The following SHISA9 variants were observed in gnomAD, a reference collection of about 807,000 sequenced individuals.
SHISA9 encodes the protein protein shisa-9.
SHISA9 carries 13 observed loss-of-function variants against 38.0 expected under a neutral mutation model. The observed-to-expected ratio is 0.34, with a 90% CI of 0.22 to 0.54. SHISA9 has a LOEUF of 0.54. SHISA9 is among the 20% of genes least tolerant of loss of function. The pLI is 0.91. For synonymous variants in SHISA9, 275 were observed against 242.0 expected, an observed-to-expected ratio of 1.14 and a Z score of -1.27; for missense variants, 538 against 575.8, an observed-to-expected ratio of 0.93 and a Z score of 0.67.
intron 2 of SHISA9, among the ~76,000 whole-genome samples, chr16:13,052,319 T>C: frequency 6.6e-6 from 1 of 152,216 alleles, no homozygotes; most frequent in East Asian, 1.9e-4. Context: ...GAAATAGTTT[T>C]TCTGTAATAA....
At chr16:13,484,095 T>C in the SHISA9 span, among the ~76,000 whole-genome samples, 1 of 152,108 alleles carries the variant, frequency 6.6e-6, no homozygotes, top group Non-Finnish European at 1.5e-5. Flanking sequence ...TGATGCTATC[T>C]CCAGGCAGAT....
At position 13,237,886 on chromosome 16, in the gene SHISA9, A is replaced by G. The variant is rs1431813100; in HGVS notation, c.*2477A>G. The G allele has an allele frequency of 1.3e-5, 2 of 152,130 alleles. No homozygotes were observed. Among genetic ancestry groups the G allele is most frequent in the Non-Finnish European group, 2.9e-5 (2 of 68,032 alleles). The allele number at this position is 152,130 out of a possible 1,614,324, so 9.4% of individuals were successfully genotyped here. On this transcript the variant is annotated 3_prime_UTR_variant, in exon 5 of 5. Transcript: ENST00000558583. Reference sequence around the variant, plus strand: ...CTATGTACCTGCAACACACTTTGGCATCTCTGTATATCACCTTCACAATAT... The same window carrying G: ...CTATGTACCTGCAACACACTTTGGCGTCTCTGTATATCACCTTCACAATAT...
At chr16:13,131,594 CA>C (rs2050307322) in intron 2 of SHISA9, among the ~76,000 whole-genome samples, 1 of 152,022 alleles carries the variant, frequency 6.6e-6, no homozygotes. Flanking sequence ...CAAACCTGCA[CA>C]TCCTACACAT....
chr16:13,035,389 A>G (rs1477150812), intron 2 of SHISA9, among the ~76,000 whole-genome samples: 1 of 152,176 alleles, frequency 6.6e-6, no homozygotes, highest in Non-Finnish European at 1.5e-5. Context: ...CAATCTTCCT[A>G]CATCCCTACA....
At chr16:13,399,080 C>G in the SHISA9 span, among the ~76,000 whole-genome samples, 8 of 151,926 alleles carry the variant, frequency 5.3e-5, no homozygotes, top group Non-Finnish European at 1.0e-4. Flanking sequence ...ATCTTGAAAC[C>G]CTGTGTCCAC....
chr16:13,543,489 A>G, the SHISA9 span, among the ~76,000 whole-genome samples: 6 of 152,202 alleles, frequency 3.9e-5, no homozygotes, highest in South Asian at 6.2e-4. Context: ...AAGTTAAACA[A>G]TCTGACCAAG....
intron 2 of SHISA9, among the ~76,000 whole-genome samples, chr16:13,124,168 T>C (rs966552811): frequency 6.6e-6 from 1 of 152,300 alleles, no homozygotes; most frequent in East Asian, 1.9e-4. Context: ...CCTCTCCCAC[T>C]GTGCAGTCAA....
At chr16:13,098,138 C>T (rs1289556876) in intron 2 of SHISA9, among the ~76,000 whole-genome samples, 24 of 152,182 alleles carry the variant, frequency 1.6e-4, no homozygotes, top group Admixed American at 1.6e-3. Context: ...GGTTAGTTGA[C>T]TCCAGAGTAC....
the SHISA9 span, among the ~76,000 whole-genome samples, chr16:13,314,394 TTAG>T: frequency 6.6e-6 from 1 of 151,566 alleles, no homozygotes; most frequent in Non-Finnish European, 1.5e-5. Flanking sequence ...ATTATTACTA[TTAG>T]TAGTAGTAGT....
intron 2 of SHISA9, among the ~76,000 whole-genome samples, chr16:12,956,483 C>A (rs4503781): frequency 0.19 from 29,382 of 152,080 alleles, 3,518 homozygotes; most frequent in Middle Eastern, 0.35. Flanking sequence ...CTAAGTGTCC[C>A]TTAATGGTTG....
chr16:13,352,180 T>TA, the SHISA9 span, among the ~76,000 whole-genome samples: 1 of 152,236 alleles, frequency 6.6e-6, no homozygotes, highest in South Asian at 2.1e-4. Context: ...ATATCTCCTT[T>TA]AAAAAAATCA....
intron 4 of SHISA9, among the ~76,000 whole-genome samples, chr16:13,216,202 AAAAAGAG>A (rs1279949963): frequency 1.4e-5 from 2 of 142,026 alleles, no homozygotes; most frequent in African/African-American, 5.4e-5. Flanking sequence ...AAAAAAAAAA[AAAAAGAG>A]AGAGACAATT....
chr16:13,267,651 G>A, the SHISA9 span, among the ~76,000 whole-genome samples: 38 of 152,266 alleles, frequency 2.5e-4, no homozygotes, highest in Admixed American at 9.2e-4. Flanking sequence ...ACATGAGGAG[G>A]AAAGGTTAGG....
intron 2 of SHISA9, among the ~76,000 whole-genome samples, chr16:13,115,998 G>A (rs1315657867): frequency 1.3e-5 from 2 of 152,076 alleles, no homozygotes; most frequent in Non-Finnish European, 2.9e-5. Flanking sequence ...GAACGACTCT[G>A]GGATCTCTAA....
chr16:13,158,463 A>G (rs903088262), intron 2 of SHISA9, among the ~76,000 whole-genome samples: 2 of 152,216 alleles, frequency 1.3e-5, no homozygotes, highest in Non-Finnish European at 2.9e-5. Flanking sequence ...AAACCATGCC[A>G]CAAAAGCTGT....
chr16:12,968,960 G>T (rs1392316711), intron 2 of SHISA9, among the ~76,000 whole-genome samples: 2 of 151,946 alleles, frequency 1.3e-5, no homozygotes, highest in Non-Finnish European at 1.5e-5. Context: ...TTCGAGACCA[G>T]CCTGGCCAAC....
chr16:13,487,129 C>G, the SHISA9 span, among the ~76,000 whole-genome samples: 2 of 152,226 alleles, frequency 1.3e-5, no homozygotes, highest in Non-Finnish European at 2.9e-5. Flanking sequence ...ATTGCTTGTA[C>G]AGTCATCCCT....
intron 2 of SHISA9, among the ~76,000 whole-genome samples, chr16:13,146,349 A>C (rs762968164): frequency 9.2e-5 from 14 of 152,162 alleles, no homozygotes; most frequent in Admixed American, 6.5e-4. Context: ...AGTTAGGTGC[A>C]TAGCTTTTAT....
At chr16:13,228,309 C>T (rs1372634969) in intron 4 of SHISA9, among the ~76,000 whole-genome samples, 3 of 152,190 alleles carry the variant, frequency 2.0e-5, no homozygotes, top group African/African-American at 4.8e-5. Flanking sequence ...GTGGATTCTC[C>T]ATGTGGGACT....
Sources: allele counts gnomAD v4.1 joint callset (sites outside exome capture counted in the v4.1 genomes callset), GRCh38; gene constraint gnomAD v4.1.1; transcripts MANE v1.5; gene names NCBI Gene and HGNC (gene_info 2026-07-23, HGNC 2026-07-21).